Variants in POLG observed in about 807,000 individuals in gnomAD.
The protein encoded by POLG is DNA polymerase subunit gamma-1.
A neutral mutation model predicts 155.4 loss-of-function variants in POLG; 110 were observed. That is an observed-to-expected ratio of 0.71 (90% CI 0.61 to 0.83). POLG has a LOEUF of 0.83. POLG is among the 40% of genes least tolerant of loss of function. The probability of loss-of-function intolerance (pLI) is 0.00; values close to 1 mark genes in which losing one functional copy is unlikely to be tolerated. For synonymous variants in POLG, 701 were observed against 631.5 expected (o/e 1.11, Z -1.65); for missense variants, 1,685 against 1,627.5 (o/e 1.04, Z -0.61).
chr15:89,320,696 G>C, intron 18 of POLG, 70 bp downstream of exon 18: 11 of 1,550,864 alleles, frequency 7.1e-6, no homozygotes, highest in Non-Finnish European at 9.7e-6. Flanking sequence ...AGAACAGATG[G>C]TAGTACTAAA....
chr15:89,326,359 C>G (rs1354816888), intron 9 of POLG, among the ~76,000 whole-genome samples: 2 of 152,240 alleles, frequency 1.3e-5, no homozygotes, highest in Non-Finnish European at 2.9e-5. Context: ...GAGCTATGCT[C>G]CAGTGTGTAC....
At chr15:89,325,744 A>G in intron 9 of POLG, 58 bp from the exon 10 acceptor site, 2 of 1,323,112 alleles carry the variant, frequency 1.5e-6, no homozygotes, top group African/African-American at 2.9e-5. Flanking sequence ...GTTGGGGGGA[A>G]GGTTCTCTCT....
chr15:89,319,793 AAC>A (rs947328337), intron 18 of POLG, among the ~76,000 whole-genome samples: 8 of 152,130 alleles, frequency 5.3e-5, no homozygotes, highest in African/African-American at 1.7e-4. Context: ...TGAAGCAGAA[AAC>A]ACAACAGCCA....
rs572105844 is a variant in POLG, at chr15:89,322,725, C to T, written c.2426+17G>A. 1.2e-6 allele frequency: 2 copies of T among 1,613,226 alleles called. No homozygotes were observed. Among genetic ancestry groups the T allele is most frequent in the East Asian group, 2.2e-5 (1 of 44,870 alleles). ...AGAGGGGAAAGGCATCCCAGGACTC[C>T]TCCCATGGTGGCCCACCTGATACGT... is the stretch of plus-strand genomic sequence containing the variant. On this transcript the variant is annotated intron_variant, in intron 14 of 22. Transcript: ENST00000268124.
rs1204119738 is a variant in POLG at position 89,329,002 on chromosome 15, C to T, written c.964G>A (p.Val322Ile). Residue 322 changes from valine (V) to isoleucine (I), a missense_variant, in exon 4 of 23, where the codon GTC becomes ATC. Physicochemically the swap from Val to Ile is conservative, Grantham distance 29 (BLOSUM62 3). This residue lies in a region of POLG where 1,210 missense variants were observed against 1,167.1 expected (regional missense o/e 1.04). Transcript: ENST00000268124. ...TGGCCTTGCTTTGTGGGGGGCTGGA[C>T]CTTGTGTTTGCCCTGCTTGGCTGCT... ...WIAAKQGKHK[V>I]QPPTKQGQKS... 2 of 1,613,598 alleles carry T rather than the reference C, an allele frequency of 1.2e-6. No homozygotes were observed. Among genetic ancestry groups the T allele is most frequent in the African/African-American group, 2.7e-5 (2 of 75,040 alleles).
intron 14 of POLG, 40 bp downstream of exon 14, chr15:89,322,702 A>T: frequency 6.2e-7 from 1 of 1,603,738 alleles, no homozygotes; most frequent in Non-Finnish European, 8.5e-7. Flanking sequence ...GTGGGAAGAG[A>T]GGGGAAAGGC....
intron 10 of POLG, among the ~76,000 whole-genome samples, chr15:89,325,121 A>T (rs1353575534): frequency 8.7e-4 from 59 of 67,906 alleles, no homozygotes; most frequent in East Asian, 2.4e-3. Context: ...AGAGTGAGTG[A>T]GTGAGTGAGA....
chr15:89,328,192 G>C (rs575662419), intron 6 of POLG, among the ~76,000 whole-genome samples: 1 of 152,254 alleles, frequency 6.6e-6, no homozygotes, highest in South Asian at 2.1e-4. Flanking sequence ...CTTGGCTAAG[G>C]ATCTAGTTAG....
intron 10 of POLG, among the ~76,000 whole-genome samples, chr15:89,325,061 T>TGAGTGAGTGAGTGAGTGAGA (rs2055458860): frequency 4.3e-5 from 3 of 70,126 alleles, no homozygotes; most frequent in African/African-American, 1.3e-4. Flanking sequence ...AGTGAGAGAG[T>TGAGTGAGTGAGTGAGTGAGA]GAGTGAGTGA....
Position 89,316,375 on chromosome 15 carries a change from CATTA to C in POLG, c.*372_*375del, listed in dbSNP as rs758928059. On this transcript the variant is annotated 3_prime_UTR_variant, in exon 23 of 23. Coordinates refer to ENST00000268124, the MANE Select transcript of POLG (RefSeq NM_002693.3). ...TTGGAGCAGGTTTATCACGTTAGAG[CATTA>C]ATTCTTTCCCCTTCTAGGGCACTGC... 3.7e-6 allele frequency: 6 copies of C among 1,605,946 alleles called. No homozygotes were observed. The highest frequency in any genetic ancestry group is 1.1e-5 in the South Asian group (1 of 89,846).
At position 89,323,025 on chromosome 15, in the gene POLG, CCT is replaced by C. The variant is rs574241348; in HGVS notation, c.2266-125_2266-124del. 1.1e-3 allele frequency: 1,055 copies of C among 996,270 alleles called. 6 individuals are homozygous for C. The African/African-American group carries it at 0.011, about 10-fold the overall frequency. 61.7% of individuals were successfully genotyped at this position (996,270 alleles called of 1,614,324 possible). A position where few individuals can be genotyped will look rare whatever the true frequency, so the allele number is the denominator to read the frequency against. On this transcript the variant is annotated intron_variant, in intron 13 of 22. Transcript: ENST00000268124. ...GAACCTCAGCAGTCTGAGGCAAATC[CCT>C]GATTGTATCACGCACGCGCGCACGC...
chr15:89,323,519 G>T lies in POLG; in HGVS notation c.2158-8C>A. The stretch of plus-strand genomic sequence containing the variant: ...GGGGCCACCACGGGCAGTCTGTGAG[G>T]GCCACACACCTATATCAGGCCCTGC... On this transcript the variant is annotated splice_region_variant and splice_polypyrimidine_tract_variant and intron_variant, in intron 12 of 22. Coordinates refer to ENST00000268124, the MANE Select transcript of POLG (RefSeq NM_002693.3). The T allele has an allele frequency of 6.4e-7, 1 of 1,562,952 alleles. No homozygotes were observed. The highest frequency in any genetic ancestry group is 8.8e-7 in the Non-Finnish European group (1 of 1,133,358).
At chr15:89,321,549 G>A (rs2055396293) in intron 16 of POLG, among the ~76,000 whole-genome samples, 187 bp downstream of exon 16, 1 of 152,210 alleles carries the variant, frequency 6.6e-6, no homozygotes, top group Admixed American at 6.5e-5. Flanking sequence ...CCAGGAGCAG[G>A]TGCCCAGAAC....
In POLG at chr15:89,325,478, C is replaced by T; in HGVS notation, c.1921G>A (p.Glu641Lys). The T allele has an allele frequency of 6.2e-7, 1 of 1,606,250 alleles. No homozygotes were observed. The highest frequency in any genetic ancestry group is 8.5e-7 in the Non-Finnish European group (1 of 1,179,876). The part of the protein sequence containing the change: ...LAKLPTGTTL[E>K]SAGVVCPYRA... ...TAGGGGCAGACCACCCCAGCTGACT[C>T]CAGGGTGGTACCTGTCGGCAGCTTG... is the stretch of plus-strand genomic sequence containing the variant. The change falls in exon 10 of 23, where the codon GAG becomes AAG. Residue 641 changes from glutamate (E) to lysine (K), a missense_variant. Physicochemically the swap from Glu to Lys is moderately conservative, Grantham distance 56. Coordinates refer to ENST00000268124, the MANE Select transcript of POLG (RefSeq NM_002693.3).
intron 9 of POLG, 98 bp downstream of exon 9, chr15:89,326,514 G>A (rs754432245): frequency 4.5e-6 from 6 of 1,333,002 alleles, no homozygotes; most frequent in Non-Finnish European, 6.4e-6. Flanking sequence ...AAGTATACAT[G>A]TGCATGATGC....
At chr15:89,330,047 T>A (rs368219085) in intron 3 of POLG, 34 bp downstream of exon 3, 1 of 1,564,222 alleles carries the variant, frequency 6.4e-7, no homozygotes, top group African/African-American at 1.4e-5. Context: ...GCCCATCCCA[T>A]GCCAGAACCT....
At position 89,333,140 on chromosome 15, in the gene POLG, C is replaced by T. The variant is rs1360739645; in HGVS notation, c.615G>A (p.Glu205=). The T allele has an allele frequency of 2.0e-6, 3 of 1,530,954 alleles. No homozygotes were observed. The highest frequency in any genetic ancestry group is 1.8e-6 in the Non-Finnish European group (2 of 1,139,020). The allele number at this position is 1,530,954 out of a possible 1,614,324, so 94.8% of individuals were successfully genotyped here. The change falls in exon 2 of 23, where the codon GAG becomes GAA. Residue 205 remains glutamate, a synonymous_variant. Coordinates refer to ENST00000268124, the MANE Select transcript of POLG (RefSeq NM_002693.3). ...CCACCGCCAATGTGGGGCAAGTTCC[C>T]TCTGCCAAGCAGACCTCCACGTCGA... ...LVFDVEVCLA[E]GTCPTLAVAI... is the part of the protein sequence containing the mutation.
At chr15:89,318,391 T>A (rs1227552345) in intron 21 of POLG, 150 bp downstream of exon 21, 1 of 662,978 alleles carries the variant, frequency 1.5e-6, no homozygotes, top group South Asian at 1.9e-5. Flanking sequence ...CTTCTACAAC[T>A]TTTTAAAAAT....
At chr15:89,329,801 T>C (rs1419342825) in intron 3 of POLG, among the ~76,000 whole-genome samples, 1 of 152,188 alleles carries the variant, frequency 6.6e-6, no homozygotes, top group Admixed American at 6.5e-5. Flanking sequence ...GCCCAGGCTG[T>C]GGCTCAAAAC....
Sources: allele counts gnomAD v4.1 joint callset (sites outside exome capture counted in the v4.1 genomes callset), GRCh38; gene constraint gnomAD v4.1.1; regional missense constraint gnomAD v4.1.1; transcripts MANE v1.5; gene names NCBI Gene and HGNC (gene_info 2026-07-23, HGNC 2026-07-21).